Variants in NUBPL observed in about 807,000 individuals in gnomAD.
NUBPL encodes iron-sulfur cluster transfer protein NUBPL.
NUBPL carries 31 observed loss-of-function variants against 45.7 expected under a neutral mutation model. The ratio of observed to expected loss-of-function variants is 0.68; its 90% CI spans 0.51 to 0.92. The LOEUF is 0.92. Ranked by LOEUF, NUBPL falls within the 40% of genes least tolerant of loss-of-function variation. The pLI, the probability that NUBPL is intolerant of heterozygous loss-of-function variation, is 0.00. For missense variants in NUBPL, 401 were observed against 398.7 expected, an observed-to-expected ratio of 1.01 and a Z score of -0.05; for synonymous variants, 144 against 140.9, an observed-to-expected ratio of 1.02 and a Z score of -0.15.
At chr14:31,855,335 G>A (rs377361327) in intron 10 of NUBPL, among the ~76,000 whole-genome samples, 101 of 152,302 alleles carry the variant, frequency 6.6e-4, no homozygotes, top group African/African-American at 2.3e-3. Flanking sequence ...AACTACAGCA[G>A]AGAAGAACCC....
At chr14:31,599,065 T>C (rs944589461) in intron 3 of NUBPL, among the ~76,000 whole-genome samples, 4 of 152,226 alleles carry the variant, frequency 2.6e-5, no homozygotes, top group Non-Finnish European at 5.9e-5. Context: ...ATCAGTTGTC[T>C]AGACGATATT....
chr14:31,629,310 T>G (rs2035283824), intron 4 of NUBPL, among the ~76,000 whole-genome samples: 1 of 152,208 alleles, frequency 6.6e-6, no homozygotes, highest in African/African-American at 2.4e-5. Context: ...AAGTGAGTGC[T>G]GTAAAATAGT....
chr14:31,638,371 AT>A (rs1418623756), intron 4 of NUBPL, among the ~76,000 whole-genome samples: 1 of 151,502 alleles, frequency 6.6e-6, no homozygotes, highest in Non-Finnish European at 1.5e-5. Flanking sequence ...TGGATATGAA[AT>A]TCTGGGTTGA....
At chr14:31,795,262 T>C (rs1201194437) in intron 7 of NUBPL, among the ~76,000 whole-genome samples, 1 of 150,066 alleles carries the variant, frequency 6.7e-6, no homozygotes, top group Non-Finnish European at 1.5e-5. Context: ...TTTCCAATTC[T>C]GTGAAGAAAG....
intron 6 of NUBPL, among the ~76,000 whole-genome samples, chr14:31,674,096 A>G (rs1404648465): frequency 6.6e-6 from 1 of 152,232 alleles, no homozygotes; most frequent in Admixed American, 6.5e-5. Context: ...AGAAGAGAAC[A>G]TTTGATTGGA....
At chr14:31,673,174 TTTAC>T (rs2139810957) in intron 4 of NUBPL, among the ~76,000 whole-genome samples, 177 bp from the exon 5 acceptor site, 1 of 152,340 alleles carries the variant, frequency 6.6e-6, no homozygotes, top group South Asian at 2.1e-4. Context: ...TTATTATTTA[TTTAC>T]TTATTATTAT....
chr14:31,584,848 A>T (rs1268331187), intron 3 of NUBPL, among the ~76,000 whole-genome samples: 1 of 152,186 alleles, frequency 6.6e-6, no homozygotes, highest in Non-Finnish European at 1.5e-5. Flanking sequence ...TAGTTTGCAG[A>T]TTACCTTCTC....
intron 3 of NUBPL, among the ~76,000 whole-genome samples, chr14:31,595,545 G>C (rs2034260852): frequency 6.6e-6 from 1 of 152,200 alleles, no homozygotes; most frequent in Admixed American, 6.5e-5. Context: ...AATTATTATA[G>C]AAGGAGTAAG....
At chr14:31,573,147 G>A (rs1473336777) in intron 3 of NUBPL, among the ~76,000 whole-genome samples, 2 of 152,172 alleles carry the variant, frequency 1.3e-5, no homozygotes, top group East Asian at 1.9e-4. Flanking sequence ...CGTGAATCAT[G>A]TGTTGTGCTG....
chr14:31,834,099 G>A (rs554714632), intron 8 of NUBPL, among the ~76,000 whole-genome samples: 25 of 150,650 alleles, frequency 1.7e-4, no homozygotes, highest in African/African-American at 5.6e-4. Context: ...ATAAAGGAGA[G>A]ATAGAAATTC....
At chr14:31,636,822 A>G (rs897367939) in intron 4 of NUBPL, among the ~76,000 whole-genome samples, 36 of 151,886 alleles carry the variant, frequency 2.4e-4, no homozygotes, top group Non-Finnish European at 4.1e-4. Flanking sequence ...GTCTTGGGAG[A>G]GTGTATGTGT....
At chr14:31,615,300 T>A (rs2034869630) in intron 4 of NUBPL, among the ~76,000 whole-genome samples, 2 of 152,082 alleles carry the variant, frequency 1.3e-5, no homozygotes, top group African/African-American at 2.4e-5. Context: ...TTAAACCTTT[T>A]TTATTATTAT....
intron 7 of NUBPL, among the ~76,000 whole-genome samples, chr14:31,806,136 A>C (rs1234661226): frequency 6.6e-6 from 1 of 152,190 alleles, no homozygotes; most frequent in African/African-American, 2.4e-5. Flanking sequence ...TCAGGATCTG[A>C]AATGTAGCTC....
intron 8 of NUBPL, among the ~76,000 whole-genome samples, chr14:31,827,350 T>TAAA (rs11451016): frequency 3.6e-5 from 5 of 139,494 alleles, no homozygotes; most frequent in Non-Finnish European, 4.6e-5. Flanking sequence ...TCTACAAAGT[T>TAAA]AAAAAAAAAA....
At chr14:31,680,087 T>G (rs375611463) in intron 6 of NUBPL, among the ~76,000 whole-genome samples, 1 of 152,176 alleles carries the variant, frequency 6.6e-6, no homozygotes, top group East Asian at 1.9e-4. Context: ...ACATTAACCT[T>G]GAATCCTGTG....
intron 4 of NUBPL, among the ~76,000 whole-genome samples, chr14:31,629,640 A>G (rs1196210843): frequency 1.3e-5 from 2 of 152,190 alleles, no homozygotes; most frequent in Non-Finnish European, 2.9e-5. Context: ...ATTGCTTTAA[A>G]TAATATATAG....
chr14:31,682,265 T>G (rs2036852423), intron 6 of NUBPL, among the ~76,000 whole-genome samples: 2 of 152,198 alleles, frequency 1.3e-5, no homozygotes, highest in South Asian at 4.1e-4. Context: ...TTTGTTGTTA[T>G]GAAATACTCC....
intron 6 of NUBPL, among the ~76,000 whole-genome samples, chr14:31,782,716 G>T (rs1170724136): frequency 6.6e-6 from 1 of 151,740 alleles, no homozygotes; most frequent in Non-Finnish European, 1.5e-5. Context: ...GAACCTGGGA[G>T]ACGAGGTTGC....
intron 10 of NUBPL, among the ~76,000 whole-genome samples, chr14:31,851,579 T>C (rs8006327): frequency 0.26 from 39,890 of 152,084 alleles, 7,923 homozygotes; most frequent in African/African-American, 0.56. Flanking sequence ...CTCTTCTCTG[T>C]CTTTTAGGTA....
Sources: gnomAD v4.1 joint callset for allele counts (sites outside exome capture counted in the v4.1 genomes callset) on GRCh38, gnomAD v4.1.1 for gene constraint, MANE v1.5 for transcripts, NCBI Gene and HGNC (gene_info 2026-07-23, HGNC 2026-07-21) for gene names.